TAGLN: variants seen among roughly 807,000 people sequenced by gnomAD.
TAGLN encodes 22 kDa actin-binding protein.
TAGLN carries 16 observed loss-of-function variants against 21.9 expected under a neutral mutation model. The observed-to-expected ratio is 0.73, with a 90% CI of 0.49 to 1.11. The LOEUF is 1.11. Among genes scored for constraint, TAGLN ranks in the 50% least tolerant of loss-of-function variants. TAGLN has a pLI of 0.00. For missense variants in TAGLN, 248 were observed against 263.2 expected (o/e 0.94, Z 0.40); for synonymous variants, 96 against 94.9 (o/e 1.01, Z -0.06).
rs1425460610 is a variant in TAGLN, at chr11:117,205,744, A to AG, written c.*1391dup. The AG allele has an allele frequency of 7.7e-6, 3 of 389,722 alleles. No individual in the cohort carries two copies. The highest frequency in any genetic ancestry group is 9.1e-6 in the Non-Finnish European group (2 of 219,044). 24.1% of individuals were successfully genotyped at this position (389,722 alleles called of 1,614,324 possible). ...GAGATGAGGATGGAGGCCAAACCAAAGGGGGGCGCCAATCCCCTGTCCAAC... is the reference window on the plus strand; with the variant it reads ...GAGATGAGGATGGAGGCCAAACCAAAGGGGGGGCGCCAATCCCCTGTCCAAC... On this transcript the variant is annotated 3_prime_UTR_variant, in exon 5 of 5. Coordinates refer to ENST00000392951, the MANE Select transcript of TAGLN (RefSeq NM_003186.5).
intron 1 of TAGLN, chr11:117,201,515 G>A (rs970654254): frequency 6.6e-6 from 1 of 152,234 alleles, no homozygotes; most frequent in African/African-American, 2.4e-5. Flanking sequence ...CTGACATTTC[G>A]AGGAGCTCTG....
rs1308237540 is a variant in TAGLN at position 117,205,291 on chromosome 11, CAG to C, written c.*933_*934del. 8.6e-6 allele frequency: 2 copies of C among 233,664 alleles called. No individual in the cohort carries two copies. The highest frequency in any genetic ancestry group is 2.2e-5 in the African/African-American group (1 of 45,366). The allele number at this position is 233,664 out of a possible 1,614,324, so 14.5% of individuals were successfully genotyped here. A position where few individuals can be genotyped will look rare whatever the true frequency, so the allele number is the denominator to read the frequency against. On this transcript the variant is annotated 3_prime_UTR_variant, in exon 5 of 5. Transcript: ENST00000392951. ...TTCCCTGAGCACTTGCAGAGGAAGA[CAG>C]GGTGGTGGCAGGACTGGAGTGGCAG...
chr11:117,201,037 T>A (rs2031071720), intron 1 of TAGLN: 1 of 152,052 alleles, frequency 6.6e-6, no homozygotes, highest in Non-Finnish European at 1.5e-5. Context: ...GACTTGGGGG[T>A]TTGGACCACA....
chr11:117,203,112 G>C lies in TAGLN; in HGVS notation c.99G>C (p.Trp33Cys). Reference sequence around the variant, plus strand: ...AGCTGGAGGAGCGGCTGGTGGAGTGGATCATAGTGCAGTGTGGCCCTGATG... The same window carrying C: ...AGCTGGAGGAGCGGCTGGTGGAGTGCATCATAGTGCAGTGTGGCCCTGATG... ...DEELEERLVE[W>C]IIVQCGPDVG... is the part of the protein sequence containing the mutation. The change falls in exon 2 of 5, where the codon TGG becomes TGC. Residue 33 changes from tryptophan (W) to cysteine (C), a missense_variant. By Grantham distance (215) the Trp-to-Cys change is radical. Transcript: ENST00000392951. The surrounding 1 kb of genome is among the most constrained non-coding windows in gnomAD (Gnocchi z 4.4). 1 of 1,612,528 alleles carries C rather than the reference G, an allele frequency of 6.2e-7. No individual in the cohort carries two copies. Among genetic ancestry groups the C allele is most frequent in the Non-Finnish European group, 8.5e-7 (1 of 1,179,188 alleles).
In TAGLN at chr11:117,203,456, C is replaced by T; in HGVS notation, c.330C>T (p.Asp110=). The T allele has an allele frequency of 6.2e-7, 1 of 1,614,122 alleles. No individual in the cohort carries two copies. Residue 110 remains aspartate, a synonymous_variant, in exon 3 of 5, where the codon GAC becomes GAT. Transcript: ENST00000392951. This position sits in a 1 kb window ranked among gnomAD's most constrained non-coding sequence, Gnocchi z 4.4. ...AAEDYGVIKT[D]MFQTVDLFEG... is the part of the protein sequence containing the mutation. ...AGGACTATGGGGTCATCAAGACTGA[C>T]ATGTTCCAGACTGTTGACCTCTTTG...
At chr11:117,204,163 G>T in intron 4 of TAGLN, 52 bp from the exon 5 acceptor site, 1 of 1,609,882 alleles carries the variant, frequency 6.2e-7, no homozygotes, top group Non-Finnish European at 8.5e-7. Context: ...CAGAAAACGG[G>T]TGGAAAACAC....
At chr11:117,200,024 A>C (rs2170317) in intron 1 of TAGLN, among the ~76,000 whole-genome samples, 18,149 of 150,532 alleles carry the variant, frequency 0.12, 1,648 homozygotes, top group African/African-American at 0.26. Flanking sequence ...TGACAGTGGG[A>C]GGTCACCCCC....
intron 1 of TAGLN, chr11:117,199,854 T>G (rs1306282812): frequency 6.6e-6 from 1 of 152,262 alleles, no homozygotes. Flanking sequence ...AACGCACCTG[T>G]GTTGGAGCAC....
chr11:117,204,263 G>C lies in TAGLN; in HGVS notation c.510G>C (p.Glu170Asp). 3 of 1,614,268 alleles carry C rather than the reference G, an allele frequency of 1.9e-6. No homozygotes were observed. The highest frequency in any genetic ancestry group is 2.5e-6 in the Non-Finnish European group (3 of 1,180,040). Reference sequence around the variant, plus strand: ...AATTCACAGAGAGCCAGCTGCAGGAGGGAAAGCATGTCATTGGCCTTCAGA... The same window carrying C: ...AATTCACAGAGAGCCAGCTGCAGGACGGAAAGCATGTCATTGGCCTTCAGA... ...KREFTESQLQ[E>D]GKHVIGLQMG... Residue 170 changes from glutamate (E) to aspartate (D), a missense_variant, in exon 5 of 5, where the codon GAG becomes GAC. By Grantham distance (45) the Glu-to-Asp change is conservative. Transcript: ENST00000392951.
At chr11:117,201,441 C>T (rs1303158848) in intron 1 of TAGLN, 1 of 152,142 alleles carries the variant, frequency 6.6e-6, no homozygotes, top group Non-Finnish European at 1.5e-5. Context: ...GTTTTTCACT[C>T]CTTGGTCAAG....
In TAGLN at chr11:117,203,496, G is replaced by A; in HGVS notation, c.358+12G>A. ...TGACCTCTTTGAAGGTAGAGAGGAA[G>A]AGGCTGGGGGAGGAGGTGGGCAGGA... On this transcript the variant is annotated intron_variant, in intron 3 of 4. Transcript: ENST00000392951. The surrounding 1 kb of genome is among the most constrained non-coding windows in gnomAD (Gnocchi z 4.4). The A allele has an allele frequency of 6.2e-7, 1 of 1,611,400 alleles. No individual in the cohort carries two copies. The highest frequency in any genetic ancestry group is 8.5e-7 in the Non-Finnish European group (1 of 1,177,698).
Position 117,206,292 on chromosome 11 carries a change from A to C in TAGLN, c.*1933A>C, listed in dbSNP as rs1398835932. 2 of 1,614,184 alleles carry C rather than the reference A, an allele frequency of 1.2e-6. No homozygotes were observed. The highest frequency in any genetic ancestry group is 1.7e-6 in the Non-Finnish European group (2 of 1,180,012). On this transcript the variant is annotated 3_prime_UTR_variant, in exon 5 of 5. Transcript: ENST00000392951. ...ATTGGAAGCCACATTCCTCTGGCTC[A>C]AATATACTTCCAGCATGTAGTAAAC...
Position 117,203,679 on chromosome 11 carries a change from C to G in TAGLN, c.359-103C>G. The stretch of plus-strand genomic sequence containing the variant: ...CCCTTGAATTGGGGACAACTCTTGG[C>G]CCTGGTTTGGCCATTTTTTTGTGAG... On this transcript the variant is annotated intron_variant, in intron 3 of 4. Transcript: ENST00000392951. This position sits in a 1 kb window ranked among gnomAD's most constrained non-coding sequence, Gnocchi z 4.4. 1 of 1,359,718 alleles carries G rather than the reference C, an allele frequency of 7.4e-7. No individual in the cohort carries two copies. Among genetic ancestry groups the G allele is most frequent in the Non-Finnish European group, 1.0e-6 (1 of 974,770 alleles). 84.2% of individuals were successfully genotyped at this position (1,359,718 alleles called of 1,614,324 possible).
chr11:117,204,257 G>C lies in TAGLN; in HGVS notation c.504G>C (p.Leu168=). 6.2e-7 allele frequency: 1 copy of C among 1,614,266 alleles called. No homozygotes were observed. Among genetic ancestry groups the C allele is most frequent in the African/African-American group, 1.3e-5 (1 of 75,076 alleles). ...EHKREFTESQ[L]QEGKHVIGLQ... Reference sequence around the variant, plus strand: ...AGAGGGAATTCACAGAGAGCCAGCTGCAGGAGGGAAAGCATGTCATTGGCC... The same window carrying C: ...AGAGGGAATTCACAGAGAGCCAGCTCCAGGAGGGAAAGCATGTCATTGGCC... Residue 168 remains leucine (L), a synonymous_variant, in exon 5 of 5, where the codon CTG becomes CTC. Transcript: ENST00000392951.
In TAGLN at chr11:117,203,381, C is replaced by T. The variant is rs145801025; in HGVS notation, c.255C>T (p.Ser85=). ...TGAAGGTGCCCGAGAACCCACCCTC[C>T]ATGGTCTTCAAGCAGATGGAGCAGG... The part of the protein sequence containing the change: ...KPVKVPENPP[S]MVFKQMEQVA... The change falls in exon 3 of 5, where the codon TCC becomes TCT. Residue 85 remains serine (S), a synonymous_variant. Coordinates refer to ENST00000392951, the MANE Select transcript of TAGLN (RefSeq NM_003186.5). This position sits in a 1 kb window ranked among gnomAD's most constrained non-coding sequence, Gnocchi z 4.4. The T allele has an allele frequency of 2.5e-5, 40 of 1,614,070 alleles. No homozygotes were observed. Among genetic ancestry groups the T allele is most frequent in the Non-Finnish European group, 3.2e-5 (38 of 1,180,042 alleles).
At chr11:117,200,919 G>T (rs886467574) in intron 1 of TAGLN, among the ~76,000 whole-genome samples, 3 of 152,120 alleles carry the variant, frequency 2.0e-5, no homozygotes, top group African/African-American at 7.2e-5. Context: ...AGCAGGGCCA[G>T]AGACAGAAGG....
chr11:117,202,815 T>C (rs968789856), intron 1 of TAGLN, 187 bp from the exon 2 acceptor site: 5 of 467,136 alleles, frequency 1.1e-5, no homozygotes, highest in African/African-American at 1.9e-5. Context: ...GTATCCTCTT[T>C]CCTGGTGTTC....
Position 117,203,683 on chromosome 11 carries a change from G to C in TAGLN, c.359-99G>C. 1 of 1,386,808 alleles carries C rather than the reference G, an allele frequency of 7.2e-7. No individual in the cohort carries two copies. The highest frequency in any genetic ancestry group is 1.0e-6 in the Non-Finnish European group (1 of 996,574). 85.9% of individuals were successfully genotyped at this position (1,386,808 alleles called of 1,614,324 possible). A position where few individuals can be genotyped will look rare whatever the true frequency, so the allele number is the denominator to read the frequency against. On this transcript the variant is annotated intron_variant, in intron 3 of 4. Coordinates refer to ENST00000392951, the MANE Select transcript of TAGLN (RefSeq NM_003186.5). This position sits in a 1 kb window ranked among gnomAD's most constrained non-coding sequence, Gnocchi z 4.4. Reference sequence around the variant, plus strand: ...TGAATTGGGGACAACTCTTGGCCCTGGTTTGGCCATTTTTTTGTGAGAGAC... The same window carrying C: ...TGAATTGGGGACAACTCTTGGCCCTCGTTTGGCCATTTTTTTGTGAGAGAC...
intron 1 of TAGLN, chr11:117,201,973 CT>C (rs1404977562): frequency 2.0e-5 from 3 of 150,316 alleles, no homozygotes; most frequent in African/African-American, 7.4e-5. Flanking sequence ...CCAGCCACCC[CT>C]GTCTGTCTGC....
Sources: allele counts gnomAD v4.1 joint callset (sites outside exome capture counted in the v4.1 genomes callset), GRCh38; gene constraint gnomAD v4.1.1; non-coding constraint Gnocchi (gnomAD v3.1); transcripts MANE v1.5; gene names NCBI Gene and HGNC (gene_info 2026-07-23, HGNC 2026-07-21).